PAQR3: variants seen among roughly 807,000 people sequenced by gnomAD.
PAQR3 encodes Raf kinase trapping to Golgi.
A neutral mutation model predicts 41.7 loss-of-function variants in PAQR3; 39 were observed. The observed-to-expected ratio is 0.93, with a 90% CI of 0.72 to 1.22. The LOEUF is 1.22. Among genes scored for constraint, PAQR3 ranks in the 50% most tolerant of loss-of-function variants. PAQR3 has a pLI of 0.00. For synonymous variants in PAQR3, 140 were observed against 140.6 expected (o/e 1.00, Z 0.03); for missense variants, 366 against 385.6 (o/e 0.95, Z 0.42).
chr4:78,939,359 T>A lies in PAQR3; in HGVS notation c.-135A>T. 2.8e-6 allele frequency: 2 copies of A among 723,550 alleles called. No individual in the cohort carries two copies. The allele number at this position is 723,550 out of a possible 1,614,324, so 44.8% of individuals were successfully genotyped here. A position where few individuals can be genotyped will look rare whatever the true frequency, so the allele number is the denominator to read the frequency against. On this transcript the variant is annotated 5_prime_UTR_variant, in exon 1 of 6. Transcript: ENST00000512733. ...CGAGGTCCTACCGCGCTGCCGCTGCTGCCCAGGGCCCGGCTCTGCGCTCAC... is the reference window on the plus strand; with the variant it reads ...CGAGGTCCTACCGCGCTGCCGCTGCAGCCCAGGGCCCGGCTCTGCGCTCAC...
At chr4:78,891,227 C>G (rs552906757) in intron 11 of PAQR3, among the ~76,000 whole-genome samples, 1 of 152,154 alleles carries the variant, frequency 6.6e-6, no homozygotes, top group South Asian at 2.1e-4. Context: ...ATTCTCTTTT[C>G]TGATCCTTTA....
At chr4:78,909,518 A>G (rs143327081), downstream of PAQR3, among the ~76,000 whole-genome samples, 1 of 152,078 alleles carries the variant, frequency 6.6e-6, no homozygotes, top group East Asian at 1.9e-4. Flanking sequence ...TCCTTACCTC[A>G]TGTTGTACCT....
At chr4:78,935,940 C>T (rs1737382113) in intron 1 of PAQR3, among the ~76,000 whole-genome samples, 1 of 152,192 alleles carries the variant, frequency 6.6e-6, no homozygotes, top group Non-Finnish European at 1.5e-5. Flanking sequence ...TTCTCCTTTT[C>T]ACAAACAACT....
exon 13 of PAQR3, chr4:78,887,176 A>G: frequency 6.3e-7 from 1 of 1,587,244 alleles, no homozygotes; most frequent in Middle Eastern, 1.7e-4. Flanking sequence ...TTTTGCAGAT[A>G]GGCTCGAGGA....
rs182084537 is a variant in PAQR3, at chr4:78,932,958, T to C, written c.348+2163A>G. ...CAAGGTAGACAGATAATTACAGTGT[T>C]ACATTCACATCGAAACTCCTTGGCA... On this transcript the variant is annotated intron_variant, in intron 2 of 5. Coordinates refer to ENST00000512733, the MANE Select transcript of PAQR3 (RefSeq NM_001040202.2). 2.4e-3 allele frequency: 824 copies of C among 337,626 alleles called. 3 individuals carry two copies. Among genetic ancestry groups the C allele is most frequent in the Non-Finnish European group, 3.8e-3 (647 of 168,510 alleles). The allele number at this position is 337,626 out of a possible 1,614,324, so 20.9% of individuals were successfully genotyped here. A position where few individuals can be genotyped will look rare whatever the true frequency, so the allele number is the denominator to read the frequency against.
chr4:78,935,683 G>T (rs182822825), intron 1 of PAQR3, among the ~76,000 whole-genome samples: 1 of 152,260 alleles, frequency 6.6e-6, no homozygotes, highest in East Asian at 1.9e-4. Flanking sequence ...ACGTGCAGAG[G>T]AAATCTGGAT....
chr4:78,918,237 A>C lies in PAQR3; in HGVS notation c.*2302T>G. 1 of 702,832 alleles carries C rather than the reference A, an allele frequency of 1.4e-6. No homozygotes were observed. Among genetic ancestry groups the C allele is most frequent in the Non-Finnish European group, 1.7e-6 (1 of 574,632 alleles). The allele number at this position is 702,832 out of a possible 1,614,324, so 43.5% of individuals were successfully genotyped here. ...GTAATAAAACTGGATAGTATATTTT[A>C]ATCTTACTTTAATCTATAAAAACAA... On this transcript the variant is annotated 3_prime_UTR_variant, in exon 6 of 6. Transcript: ENST00000512733.
chr4:78,927,524 T>G (rs765741283), intron 3 of PAQR3, among the ~76,000 whole-genome samples: 1 of 152,222 alleles, frequency 6.6e-6, no homozygotes, highest in Non-Finnish European at 1.5e-5. Context: ...TAGGAGGCAT[T>G]TTTGAAATAA....
intron 11 of PAQR3, among the ~76,000 whole-genome samples, chr4:78,903,883 A>G (rs72660917): frequency 0.03 from 4,501 of 152,034 alleles, 84 homozygotes; most frequent in Non-Finnish European, 0.044. Flanking sequence ...ATAATATTCT[A>G]CTGGTAGTTT....
At chr4:78,931,809 G>A (rs1736932983) in intron 2 of PAQR3, among the ~76,000 whole-genome samples, 2 of 152,066 alleles carry the variant, frequency 1.3e-5, no homozygotes, top group Admixed American at 1.3e-4. Context: ...CTGGGGGCAG[G>A]GATTAAGGAA....
Position 78,901,200 on chromosome 4 carries a change from T to C in PAQR3, c.*836+4908A>G, listed in dbSNP as rs560530221. Among the ~76,000 whole-genome samples, 9 of 152,056 alleles carry C rather than the reference T, an allele frequency of 5.9e-5. No homozygotes were observed. In the East Asian group the frequency reaches 1.7e-3, roughly 29 times the overall value. On this transcript the variant is annotated intron_variant and NMD_transcript_variant, in intron 11 of 12. Coordinates refer to the PAQR3 transcript ENST00000342820. ...CTGGGACTATAGGTGTGCACCACCATTCTCAGCTACTTTTTTATTTTATTT... is the reference window on the plus strand; with the variant it reads ...CTGGGACTATAGGTGTGCACCACCACTCTCAGCTACTTTTTTATTTTATTT...
intron 4 of PAQR3, among the ~76,000 whole-genome samples, chr4:78,925,089 C>T (rs1246648840): frequency 6.6e-6 from 1 of 152,012 alleles, no homozygotes; most frequent in African/African-American, 2.4e-5. Flanking sequence ...CCTTTGCTTC[C>T]TCACCGGAAT....
At chr4:78,922,329 G>A in intron 5 of PAQR3, 1 of 1,287,792 alleles carries the variant, frequency 7.8e-7, no homozygotes, top group South Asian at 1.2e-5. Flanking sequence ...CTGTGGGATG[G>A]ATTGTTTAGG....
chr4:78,891,322 A>T (rs1733424777), intron 11 of PAQR3, among the ~76,000 whole-genome samples: 1 of 151,910 alleles, frequency 6.6e-6, no homozygotes, highest in African/African-American at 2.4e-5. Flanking sequence ...CACCATGGAC[A>T]TTTGTAGCAT....
At chr4:78,923,701 G>C in intron 5 of PAQR3, 156 bp downstream of exon 5, 1 of 652,212 alleles carries the variant, frequency 1.5e-6, no homozygotes, top group Non-Finnish European at 2.7e-6. Context: ...AAAAGTGAAA[G>C]CCCTTTGAAA....
At chr4:78,906,850 C>T (rs1734311993) in intron 10 of PAQR3, among the ~76,000 whole-genome samples, 2 of 152,098 alleles carry the variant, frequency 1.3e-5, no homozygotes. Flanking sequence ...TTCACAATAG[C>T]TCTATGATAT....
intron 11 of PAQR3, among the ~76,000 whole-genome samples, chr4:78,895,687 T>A (rs1279605533): frequency 6.6e-6 from 1 of 151,774 alleles, no homozygotes; most frequent in Non-Finnish European, 1.5e-5. Flanking sequence ...TAAAGAAAAA[T>A]CATCAAAATT....
chr4:78,923,385 G>C, intron 5 of PAQR3: 1 of 198,838 alleles, frequency 5.0e-6, no homozygotes, highest in South Asian at 9.4e-5. Flanking sequence ...ACAACGTGCA[G>C]GTTTGTTACA....
At chr4:78,924,575 C>T (rs1735999479) in intron 4 of PAQR3, among the ~76,000 whole-genome samples, 1 of 152,138 alleles carries the variant, frequency 6.6e-6, no homozygotes. Context: ...AGAAGGATCG[C>T]TTGATGACAG....
Sources: gnomAD v4.1 joint callset for allele counts (sites outside exome capture counted in the v4.1 genomes callset) on GRCh38, gnomAD v4.1.1 for gene constraint, MANE v1.5 for transcripts, NCBI Gene and HGNC (gene_info 2026-07-23, HGNC 2026-07-21) for gene names.